The following TENM2 variants were observed in gnomAD, a reference collection of about 807,000 sequenced individuals.
The protein encoded by TENM2 is teneurin-2.
In TENM2, 52 loss-of-function variants were observed where a neutral mutation model predicts 245.2. The observed-to-expected ratio is 0.21, with a 90% CI of 0.17 to 0.27. The LOEUF (loss-of-function observed/expected upper bound fraction) is 0.27, where lower values mean the gene tolerates loss of function less well. TENM2 is among the 10% of genes least tolerant of loss of function. TENM2 has a pLI of 1.00. For synonymous variants in TENM2, 1,363 were observed against 1,438.9 expected, an observed-to-expected ratio of 0.95 and a Z score of 1.19; for missense variants, 3,046 against 3,666.8, an observed-to-expected ratio of 0.83 and a Z score of 4.37.
the TENM2 span, among the ~76,000 whole-genome samples, chr5:167,233,408 T>A: frequency 6.6e-6 from 1 of 152,112 alleles, no homozygotes; most frequent in Non-Finnish European, 1.5e-5. Flanking sequence ...AGGAAACAAG[T>A]TATAAATATA....
the TENM2 span, among the ~76,000 whole-genome samples, chr5:167,074,721 C>T: frequency 1.3e-5 from 2 of 152,316 alleles, no homozygotes; most frequent in African/African-American, 4.8e-5. Flanking sequence ...TGGCTCCATA[C>T]GTTTTCATGG....
At chr5:167,962,800 G>A (rs543037639) in intron 4 of TENM2, among the ~76,000 whole-genome samples, 6 of 152,144 alleles carry the variant, frequency 3.9e-5, no homozygotes, top group East Asian at 1.9e-4. Context: ...GAGGGTAACC[G>A]CCCCCATGAT....
At chr5:168,182,145 A>G (rs1406114211) in intron 13 of TENM2, among the ~76,000 whole-genome samples, 2 of 152,204 alleles carry the variant, frequency 1.3e-5, no homozygotes, top group Non-Finnish European at 2.9e-5. Flanking sequence ...GCAATGCAGG[A>G]GACCTTACAG....
intron 2 of TENM2, among the ~76,000 whole-genome samples, chr5:167,450,899 T>C (rs1006241413): frequency 6.6e-6 from 1 of 152,242 alleles, no homozygotes; most frequent in Admixed American, 6.5e-5. Flanking sequence ...TATCACATCA[T>C]ATTTCACTGT....
chr5:167,130,912 T>TA, the TENM2 span, among the ~76,000 whole-genome samples: 437 of 118,284 alleles, frequency 3.7e-3, 1 homozygote, highest in African/African-American at 8.2e-3. Context: ...TTTTTTTTTT[T>TA]AAAAAAAAAA....
intron 2 of TENM2, among the ~76,000 whole-genome samples, chr5:167,805,063 G>C (rs1766053325): frequency 6.6e-6 from 1 of 152,122 alleles, no homozygotes; most frequent in Non-Finnish European, 1.5e-5. Context: ...CTGTGGTAGA[G>C]GCTGGGGAGA....
At chr5:167,882,466 T>C (rs1773958712) in intron 3 of TENM2, among the ~76,000 whole-genome samples, 1 of 152,310 alleles carries the variant, frequency 6.6e-6, no homozygotes, top group South Asian at 2.1e-4. Context: ...AGTCATTCAA[T>C]CATTGTATTA....
chr5:167,581,660 A>G (rs1775103362), intron 2 of TENM2, among the ~76,000 whole-genome samples: 1 of 152,148 alleles, frequency 6.6e-6, no homozygotes, highest in Admixed American at 6.5e-5. Context: ...ATCTATTTCC[A>G]GAGTGAGAGA....
chr5:167,540,060 T>G lies in TENM2; in HGVS notation c.502+164587T>G, dbSNP rs115479032. Among the ~76,000 whole-genome samples, 312 of 152,284 alleles carry G rather than the reference T, an allele frequency of 2.0e-3. 1 individual carries two copies. Among genetic ancestry groups the G allele is most frequent in the African/African-American group, 7.3e-3 (303 of 41,576 alleles). ...TTTGTTAAGGTACAGTAACTTTAAG[T>G]GATACAACTTTTATTTTTCTTCGAA... On this transcript the variant is annotated intron_variant, in intron 2 of 28. Transcript: ENST00000518659.
chr5:167,872,486 A>AAGAAAGAAAGAAAGAAAGAAAGAC (rs1772981771), intron 2 of TENM2, among the ~76,000 whole-genome samples: 6 of 16,344 alleles, frequency 3.7e-4, no homozygotes, highest in African/African-American at 6.3e-4. Context: ...AAGAAAGAAA[A>AAGAAAGAAAGAAAGAAAGAAAGAC]AGAAAGAAAG....
chr5:167,117,666 G>A, the TENM2 span, among the ~76,000 whole-genome samples: 3 of 152,068 alleles, frequency 2.0e-5, no homozygotes, highest in African/African-American at 7.2e-5. Flanking sequence ...CTCTTTAGAG[G>A]TCATCACCTA....
chr5:168,232,094 C>T (rs1199498684), intron 25 of TENM2, among the ~76,000 whole-genome samples: 1 of 152,170 alleles, frequency 6.6e-6, no homozygotes, highest in Admixed American at 6.5e-5. Flanking sequence ...ATCTCTCTGA[C>T]TTCCTCAGGT....
intron 2 of TENM2, among the ~76,000 whole-genome samples, chr5:167,763,204 A>C (rs1161940253): frequency 6.6e-6 from 1 of 152,222 alleles, no homozygotes; most frequent in East Asian, 1.9e-4. Context: ...AATGCTTTAA[A>C]AGATCTTTTA....
chr5:167,458,220 C>T (rs891160037), intron 2 of TENM2, among the ~76,000 whole-genome samples: 8 of 152,082 alleles, frequency 5.3e-5, no homozygotes, highest in African/African-American at 1.9e-4. Flanking sequence ...GGCACGGTGG[C>T]TCACGCCTGT....
At chr5:167,550,641 G>A (rs1004049622) in intron 2 of TENM2, among the ~76,000 whole-genome samples, 1 of 151,606 alleles carries the variant, frequency 6.6e-6, no homozygotes, top group South Asian at 2.1e-4. Context: ...CGGACACCGC[G>A]TGCATCCCTG....
chr5:167,915,447 A>G (rs551038840), intron 3 of TENM2, among the ~76,000 whole-genome samples: 39 of 152,162 alleles, frequency 2.6e-4, no homozygotes, highest in African/African-American at 8.7e-4. Context: ...GTTCGCTAAA[A>G]TTTGCTCCAT....
intron 2 of TENM2, among the ~76,000 whole-genome samples, chr5:167,549,076 G>T (rs911091649): frequency 1.3e-5 from 2 of 151,858 alleles, no homozygotes; most frequent in Admixed American, 6.6e-5. Flanking sequence ...AGTATCTATC[G>T]CAAAAATACT....
chr5:167,736,224 AACTC>A (rs1477213129), intron 2 of TENM2, among the ~76,000 whole-genome samples: 2 of 152,088 alleles, frequency 1.3e-5, no homozygotes, highest in Non-Finnish European at 2.9e-5. Context: ...ATCTCATGAG[AACTC>A]ACTCACTATC....
chr5:167,225,764 G>T, the TENM2 span, among the ~76,000 whole-genome samples: 1 of 151,952 alleles, frequency 6.6e-6, no homozygotes, highest in South Asian at 2.1e-4. Context: ...TATTCATTTG[G>T]TAGAATTCAT....
Sources: gnomAD v4.1 joint callset for allele counts (sites outside exome capture counted in the v4.1 genomes callset) on GRCh38, gnomAD v4.1.1 for gene constraint, MANE v1.5 for transcripts, NCBI Gene and HGNC (gene_info 2026-07-23, HGNC 2026-07-21) for gene names.